Variants in RASA2 observed in about 807,000 individuals in gnomAD.
The protein encoded by RASA2 is ras GTPase-activating protein 2.
RASA2 carries 155 observed loss-of-function variants against 118.2 expected under a neutral mutation model. The ratio of observed to expected loss-of-function variants is 1.31; its 90% confidence interval spans 1.15 to 1.50. RASA2 has a LOEUF of 1.50. RASA2 is among the 40% of genes most tolerant of loss of function. The pLI is 0.00. For missense variants in RASA2, 1,016 were observed against 1,009.6 expected, an observed-to-expected ratio of 1.01 and a Z score of -0.09; for synonymous variants, 353 against 349.1, an observed-to-expected ratio of 1.01 and a Z score of -0.12.
At chr3:141,593,885 G>T (rs965512083) in intron 19 of RASA2, among the ~76,000 whole-genome samples, 1 of 152,186 alleles carries the variant, frequency 6.6e-6, no homozygotes, top group Non-Finnish European at 1.5e-5. Flanking sequence ...TTTTATTCAT[G>T]AAGGCCAGTA....
At chr3:141,550,886 T>C (rs1241923065) in intron 5 of RASA2, among the ~76,000 whole-genome samples, 2 of 152,188 alleles carry the variant, frequency 1.3e-5, no homozygotes, top group African/African-American at 4.8e-5. Context: ...CTCATGTCTA[T>C]CCAACTCCTC....
chr3:141,605,104 ACT>A (rs1325940243), intron 19 of RASA2, among the ~76,000 whole-genome samples: 5 of 151,508 alleles, frequency 3.3e-5, no homozygotes. Context: ...AACTCTTAGG[ACT>A]CTCTGTAGCC....
chr3:141,578,774 A>C (rs113618510), intron 15 of RASA2: 17 of 152,330 alleles, frequency 1.1e-4, no homozygotes, highest in African/African-American at 3.8e-4. Context: ...CCTTGTATTC[A>C]TACTTGAATT....
intron 1 of RASA2, among the ~76,000 whole-genome samples, chr3:141,488,865 G>A (rs888361846): frequency 6.6e-5 from 10 of 151,996 alleles, no homozygotes; most frequent in African/African-American, 2.4e-4. Context: ...TTGTCTATTG[G>A]AGACTCACTG....
In RASA2 at chr3:141,607,697, A is replaced by G. The variant is rs1560066884; in HGVS notation, c.1953A>G (p.Thr651=). The G allele has an allele frequency of 3.1e-6, 5 of 1,597,626 alleles. No individual in the cohort carries two copies. Among genetic ancestry groups the G allele is most frequent in the Non-Finnish European group, 4.3e-6 (5 of 1,174,348 alleles). The part of the protein sequence containing the change: ...HKQPGKDAIY[T]IPVKNILAVE... ...ATTTAGGCAAAGATGCAATCTACACAATCCCAGTAAAAAACATTCTTGCTG... is the reference window on the plus strand; with the variant it reads ...ATTTAGGCAAAGATGCAATCTACACGATCCCAGTAAAAAACATTCTTGCTG... Residue 651 remains threonine (T), a synonymous_variant, in exon 20 of 24, where the codon ACA becomes ACG. Transcript: ENST00000286364.
intron 9 of RASA2, among the ~76,000 whole-genome samples, chr3:141,566,569 G>A (rs2082823547): frequency 6.6e-6 from 1 of 152,168 alleles, no homozygotes; most frequent in South Asian, 2.1e-4. Context: ...TTTATGATAA[G>A]TTTGGGGAAA....
intron 1 of RASA2, among the ~76,000 whole-genome samples, chr3:141,502,053 C>T (rs956071826): frequency 1.3e-5 from 2 of 152,148 alleles, no homozygotes; most frequent in African/African-American, 4.8e-5. Context: ...AAAGGAAATA[C>T]TCATTGGAGC....
chr3:141,609,412 T>C lies in RASA2; in HGVS notation c.2226-8T>C. 1 of 1,466,044 alleles carries C rather than the reference T, an allele frequency of 6.8e-7. No individual in the cohort carries two copies. Among genetic ancestry groups the C allele is most frequent in the South Asian group, 1.4e-5 (1 of 69,954 alleles). The allele number at this position is 1,466,044 out of a possible 1,614,324, so 90.8% of individuals were successfully genotyped here. ...TATAATATCTTTATTTTTTTATTTT[T>C]ACCATAGAGGTGTCCCTGCAGACAT... On this transcript the variant is annotated splice_region_variant and splice_polypyrimidine_tract_variant and intron_variant, in intron 21 of 23. Transcript: ENST00000286364.
chr3:141,580,282 A>G (rs1193639596), intron 15 of RASA2, 86 bp from the exon 16 acceptor site: 1 of 996,268 alleles, frequency 1.0e-6, no homozygotes, highest in Admixed American at 2.4e-5. Flanking sequence ...TTTTACAGCA[A>G]TGTAGTCCAT....
intron 1 of RASA2, among the ~76,000 whole-genome samples, chr3:141,501,032 A>T (rs6778604): frequency 3.2e-4 from 49 of 152,120 alleles, no homozygotes; most frequent in Non-Finnish European, 6.9e-4. Context: ...TCCACTCAAA[A>T]TCATTTTGCC....
rs149331940 is a variant in RASA2 at position 141,548,944 on chromosome 3, A to G, written c.528-4913A>G. Among the ~76,000 whole-genome samples the G allele has an allele frequency of 5.9e-3, 892 of 152,252 alleles. 11 individuals are homozygous for G. Among genetic ancestry groups the G allele is most frequent in the African/African-American group, 0.02 (851 of 41,540 alleles). On this transcript the variant is annotated intron_variant, in intron 5 of 23. Transcript: ENST00000286364. Reference sequence around the variant, plus strand: ...AAAATGACCTCTTCCTCTGTGTTCAATCTGCACATGAATATAGCTGGAGAA... The same window carrying G: ...AAAATGACCTCTTCCTCTGTGTTCAGTCTGCACATGAATATAGCTGGAGAA...
At chr3:141,487,344 G>A (rs2081590208) in intron 1 of RASA2, 128 bp downstream of exon 1, 2 of 1,114,372 alleles carry the variant, frequency 1.8e-6, no homozygotes, top group Admixed American at 4.8e-5. Context: ...GGCCTGGGCC[G>A]GGCGCGGTTG....
At chr3:141,609,124 G>A (rs2083595721) in intron 21 of RASA2, among the ~76,000 whole-genome samples, 1 of 152,178 alleles carries the variant, frequency 6.6e-6, no homozygotes, top group Non-Finnish European at 1.5e-5. Context: ...CTTTCTAATT[G>A]TATGGAACAA....
intron 17 of RASA2, among the ~76,000 whole-genome samples, chr3:141,584,836 G>T (rs919431604): frequency 4.0e-5 from 6 of 151,606 alleles, no homozygotes; most frequent in African/African-American, 1.5e-4. Flanking sequence ...TTTGGATTTT[G>T]GATTTTTTTC....
chr3:141,534,032 A>G (rs115732721), intron 4 of RASA2, among the ~76,000 whole-genome samples: 26 of 152,268 alleles, frequency 1.7e-4, no homozygotes, highest in African/African-American at 6.0e-4. Context: ...CCTAGTTATC[A>G]TCTATTTCAT....
At chr3:141,518,271 G>T (rs983557684) in intron 3 of RASA2, among the ~76,000 whole-genome samples, 3 of 151,248 alleles carry the variant, frequency 2.0e-5, no homozygotes, top group African/African-American at 7.3e-5. Flanking sequence ...CAGATCACGA[G>T]GTCAGGAGTT....
rs114101128 is a variant in RASA2, at chr3:141,502,701, G to A, written c.134-9462G>A. On this transcript the variant is annotated intron_variant, in intron 1 of 23. Transcript: ENST00000286364. Reference sequence around the variant, plus strand: ...TCAATGAAAAATCTGTGTAATACATGTATTAATTTATTCAGTAAGTGGTAG... The same window carrying A: ...TCAATGAAAAATCTGTGTAATACATATATTAATTTATTCAGTAAGTGGTAG... 7.0e-3 allele frequency among the ~76,000 whole-genome samples: 1,065 copies of A among 152,266 alleles called. 11 individuals carry two copies. Among genetic ancestry groups the A allele is most frequent in the Non-Finnish European group, 0.011 (760 of 68,020 alleles).
At chr3:141,586,829 A>G (rs762803545) in intron 19 of RASA2, 77 bp downstream of exon 19, 1 of 1,135,254 alleles carries the variant, frequency 8.8e-7, no homozygotes, top group South Asian at 1.3e-5. Context: ...TTGTGACTCT[A>G]GTGAATCCTT....
intron 19 of RASA2, among the ~76,000 whole-genome samples, chr3:141,597,243 A>G: frequency 6.6e-6 from 1 of 152,160 alleles, no homozygotes; most frequent in South Asian, 2.1e-4. Context: ...TCTACAAAAA[A>G]TAATAATAAA....
Sources: gnomAD v4.1 joint callset for allele counts (sites outside exome capture counted in the v4.1 genomes callset) on GRCh38, gnomAD v4.1.1 for gene constraint, MANE v1.5 for transcripts, NCBI Gene and HGNC (gene_info 2026-07-23, HGNC 2026-07-21) for gene names.